ADARB2: variants seen among roughly 807,000 people sequenced by gnomAD.
ADARB2 encodes the protein adenosine deaminase RNA specific B2 (inactive), also known as inactive double-stranded RNA-specific editase B2.
Under a neutral mutation model 62.2 loss-of-function variants are expected in ADARB2, and 25 were observed. That is an observed-to-expected ratio of 0.40 (90% CI 0.29 to 0.56). ADARB2 has a LOEUF of 0.56. Ranked by LOEUF, ADARB2 falls within the 20% of genes least tolerant of loss-of-function variation. The pLI, the probability that ADARB2 is intolerant of heterozygous loss-of-function variation, is 0.43. For missense variants in ADARB2, 1,071 were observed against 1,077.4 expected, an observed-to-expected ratio of 0.99 and a Z score of 0.08; for synonymous variants, 572 against 500.8, an observed-to-expected ratio of 1.14 and a Z score of -1.90.
chr10:1,648,198 G>A (rs1281418803), intron 1 of ADARB2, among the ~76,000 whole-genome samples: 2 of 152,186 alleles, frequency 1.3e-5, no homozygotes, highest in Non-Finnish European at 1.5e-5. Flanking sequence ...ATTACATGAA[G>A]TTTACACTGT....
intron 1 of ADARB2, among the ~76,000 whole-genome samples, chr10:1,403,606 G>A (rs1472601914): frequency 6.6e-6 from 1 of 152,174 alleles, no homozygotes; most frequent in Non-Finnish European, 1.5e-5. Flanking sequence ...TGCACTCCAC[G>A]TGAGGGGCCC....
intron 1 of ADARB2, among the ~76,000 whole-genome samples, chr10:1,563,900 G>A (rs1321374075): frequency 2.0e-5 from 3 of 148,598 alleles, no homozygotes; most frequent in Non-Finnish European, 4.5e-5. Context: ...TTGTTCTTGC[G>A]ATAGTTTACT....
chr10:1,635,387 G>T (rs933347987), intron 1 of ADARB2, among the ~76,000 whole-genome samples: 1 of 152,312 alleles, frequency 6.6e-6, no homozygotes, highest in East Asian at 1.9e-4. Flanking sequence ...CTTAGAATAC[G>T]TCTGCAAGAT....
intron 1 of ADARB2, among the ~76,000 whole-genome samples, chr10:1,624,521 C>T (rs534015553): frequency 5.3e-5 from 8 of 152,132 alleles, no homozygotes; most frequent in Non-Finnish European, 8.8e-5. Flanking sequence ...TCATTTCCTG[C>T]GACAACAGAA....
At chr10:1,273,405 C>T (rs1831283412) in intron 3 of ADARB2, among the ~76,000 whole-genome samples, 1 of 152,184 alleles carries the variant, frequency 6.6e-6, no homozygotes, top group Admixed American at 6.5e-5. Flanking sequence ...GGATTACAGG[C>T]TCCAGCCACT....
At chr10:1,457,902 T>C (rs1194578242) in intron 1 of ADARB2, among the ~76,000 whole-genome samples, 1 of 97,084 alleles carries the variant, frequency 1.0e-5, no homozygotes, top group Non-Finnish European at 2.4e-5. Context: ...GAATGCATCA[T>C]TGGCCTTTTC....
intron 1 of ADARB2, among the ~76,000 whole-genome samples, chr10:1,580,583 C>T (rs1833084471): frequency 6.6e-6 from 1 of 151,342 alleles, no homozygotes. Context: ...CTCCCCTGTA[C>T]CTCCTCCCCA....
At position 1,470,139 on chromosome 10, in the gene ADARB2, C is replaced by T. The variant is rs1050325406; in HGVS notation, c.101-90979G>A. ...GACCCTCTCCCAGCTGCGTCCATCC[C>T]GTCTCACACCTTCCTAGCCATGGTC... On this transcript the variant is annotated intron_variant, in intron 1 of 9. Coordinates refer to ENST00000381312, the MANE Select transcript of ADARB2 (RefSeq NM_018702.4). Among the ~76,000 whole-genome samples the T allele has an allele frequency of 7.9e-5, 7 of 88,364 alleles. No homozygotes were observed. The East Asian group carries it at 1.4e-3, about 17-fold the overall frequency. The allele number at this position is 88,364 out of a possible 152,430, so 58.0% of individuals were successfully genotyped here.
chr10:1,631,321 C>T (rs1166195027), intron 1 of ADARB2, among the ~76,000 whole-genome samples: 5 of 151,982 alleles, frequency 3.3e-5, no homozygotes, highest in East Asian at 1.9e-4. Context: ...AGGCTGGACG[C>T]GGCAGGGAAC....
intron 6 of ADARB2, among the ~76,000 whole-genome samples, chr10:1,223,837 G>T (rs1250731243): frequency 6.6e-6 from 1 of 152,156 alleles, no homozygotes; most frequent in Non-Finnish European, 1.5e-5. Flanking sequence ...GTATTTTATT[G>T]AGAATTTTTG....
At chr10:1,616,040 T>A (rs1457655571) in intron 1 of ADARB2, among the ~76,000 whole-genome samples, 1 of 152,258 alleles carries the variant, frequency 6.6e-6, no homozygotes, top group East Asian at 1.9e-4. Flanking sequence ...TCATCCATTT[T>A]ACAATGCTGG....
At chr10:1,526,524 A>T (rs1832145867) in intron 1 of ADARB2, 1 of 177,966 alleles carries the variant, frequency 5.6e-6, no homozygotes, top group African/African-American at 2.4e-5. Flanking sequence ...TGTGTGTTGC[A>T]GTGAGAGCTG....
chr10:1,587,104 C>T (rs554591431), intron 1 of ADARB2, among the ~76,000 whole-genome samples: 22 of 152,248 alleles, frequency 1.4e-4, no homozygotes, highest in East Asian at 9.6e-4. Flanking sequence ...TGATTATAAC[C>T]GCTTGTATAC....
rs371935472 is a variant in ADARB2 at position 1,556,290 on chromosome 10, G to A, written c.101-177130C>T. Among the ~76,000 whole-genome samples, 33 of 149,814 alleles carry A rather than the reference G, an allele frequency of 2.2e-4. No individual in the cohort carries two copies. The South Asian group carries it at 6.8e-3, about 31-fold the overall frequency. On this transcript the variant is annotated intron_variant, in intron 1 of 9. Transcript: ENST00000381312. ...TTTTTTTTTTTTAAATTTCTTTACT[G>A]GGGGACAAATCCCTTTGCTTGAGGG...
At chr10:1,394,589 C>G (rs949664298) in intron 1 of ADARB2, among the ~76,000 whole-genome samples, 1 of 152,200 alleles carries the variant, frequency 6.6e-6, no homozygotes, top group African/African-American at 2.4e-5. Context: ...AGGGAGTGAC[C>G]TCGTGGAATT....
rs370602765 is a variant in ADARB2, at chr10:1,185,002, C to T, written c.1902G>A (p.Ser634=). ...CGACCCAGTTCATGCTGAAGGGGGG[C>T]GACTTCCCCGGCTGGCGCGCCTCGG... ...SDAEARQPGK[S]PPFSMNWVVG... is the part of the protein sequence containing the mutation. Residue 634 remains serine, a synonymous_variant, in exon 9 of 10, where the codon TCG becomes TCA. Transcript: ENST00000381312. 45 of 1,613,288 alleles carry T rather than the reference C, an allele frequency of 2.8e-5. 1 individual carries two copies. Among genetic ancestry groups the T allele is most frequent in the Middle Eastern group, 3.4e-4 (2 of 5,870 alleles).
At chr10:1,540,341 GGCAACA>G (rs1832400407) in intron 1 of ADARB2, among the ~76,000 whole-genome samples, 1 of 139,480 alleles carries the variant, frequency 7.2e-6, no homozygotes, top group African/African-American at 2.6e-5. Flanking sequence ...GGGCACGTCA[GGCAACA>G]GCCCCCGCCC....
chr10:1,668,482 C>T (rs949513864), intron 1 of ADARB2, among the ~76,000 whole-genome samples: 7 of 152,120 alleles, frequency 4.6e-5, no homozygotes, highest in Admixed American at 3.9e-4. Flanking sequence ...AGCTTGGATT[C>T]GTGTGTGGTT....
chr10:1,434,418 C>G (rs552631312), intron 1 of ADARB2, among the ~76,000 whole-genome samples: 3 of 152,186 alleles, frequency 2.0e-5, no homozygotes, highest in Non-Finnish European at 4.4e-5. Context: ...CCAGGTCTCA[C>G]TAACGCAGGC....
Sources: gnomAD v4.1 joint callset for allele counts (sites outside exome capture counted in the v4.1 genomes callset) on GRCh38, gnomAD v4.1.1 for gene constraint, MANE v1.5 for transcripts, NCBI Gene and HGNC (gene_info 2026-07-23, HGNC 2026-07-21) for gene names.